BTBD7: variants seen among roughly 807,000 people sequenced by gnomAD.
BTBD7 encodes BTB/POZ domain-containing protein 7.
Under a neutral mutation model 99.9 loss-of-function variants are expected in BTBD7, and 38 were observed. That is an observed-to-expected ratio of 0.38 (90% CI 0.29 to 0.50). The LOEUF (loss-of-function observed/expected upper bound fraction) is 0.50, where lower values mean the gene tolerates loss of function less well. BTBD7 is among the 20% of genes least tolerant of loss of function. BTBD7 has a pLI of 0.93. For synonymous variants in BTBD7, 520 were observed against 511.4 expected, an observed-to-expected ratio of 1.02 and a Z score of -0.23; for missense variants, 1,170 against 1,394.6, an observed-to-expected ratio of 0.84 and a Z score of 2.57.
At chr14:93,243,310 C>A (rs2052261082) in intron 10 of BTBD7, among the ~76,000 whole-genome samples, 1 of 152,054 alleles carries the variant, frequency 6.6e-6, no homozygotes, top group Non-Finnish European at 1.5e-5. Context: ...TCTCCTGCCT[C>A]AGCCTCCTGA....
chr14:93,249,758 G>A (rs1447850864), intron 8 of BTBD7, among the ~76,000 whole-genome samples: 3 of 151,494 alleles, frequency 2.0e-5, no homozygotes, highest in South Asian at 4.2e-4. Flanking sequence ...TATGCCGGCC[G>A]ACAAGCTGGT....
rs1158411838 is a variant in BTBD7 at position 93,332,878 on chromosome 14, G to A, written c.-165C>T. 6.9e-6 allele frequency: 10 copies of A among 1,458,234 alleles called. No homozygotes were observed. The highest frequency in any genetic ancestry group is 4.8e-5 in the Admixed American group (2 of 41,790). 90.3% of individuals were successfully genotyped at this position (1,458,234 alleles called of 1,614,324 possible). A position where few individuals can be genotyped will look rare whatever the true frequency, so the allele number is the denominator to read the frequency against. ...TGGGACCGCTGCCGTCGCCTCCGCC[G>A]CCGCCGCCACCAGCACCGCCGTCCG... is the stretch of plus-strand genomic sequence containing the variant. On this transcript the variant is annotated 5_prime_UTR_variant, in exon 1 of 11. Transcript: ENST00000334746.
intron 3 of BTBD7, among the ~76,000 whole-genome samples, chr14:93,269,206 G>A (rs1049782864): frequency 6.6e-6 from 1 of 151,982 alleles, no homozygotes; most frequent in Admixed American, 6.6e-5. Flanking sequence ...CTGGAATGTT[G>A]GTAAAAAGAG....
intron 5 of BTBD7, among the ~76,000 whole-genome samples, chr14:93,260,276 A>C (rs2052473203): frequency 6.6e-6 from 1 of 152,236 alleles, no homozygotes; most frequent in South Asian, 2.1e-4. Context: ...TCTAAATAAA[A>C]CTATCGAAAG....
At chr14:93,318,082 T>C (rs1010513123) in intron 1 of BTBD7, among the ~76,000 whole-genome samples, 1 of 152,242 alleles carries the variant, frequency 6.6e-6, no homozygotes, top group African/African-American at 2.4e-5. Context: ...TGAGTCATAC[T>C]ATATGTTGAG....
chr14:93,250,462 A>G (rs1422262451), intron 8 of BTBD7, among the ~76,000 whole-genome samples: 1 of 152,242 alleles, frequency 6.6e-6, no homozygotes, highest in African/African-American at 2.4e-5. Flanking sequence ...CAAATTTGAT[A>G]AGGTAACAAC....
chr14:93,294,186 C>T lies in BTBD7; in HGVS notation c.834G>A (p.Lys278=). 1.9e-6 allele frequency: 3 copies of T among 1,614,136 alleles called. No homozygotes were observed. Among genetic ancestry groups the T allele is most frequent in the Admixed American group, 1.7e-5 (1 of 60,020 alleles). ...ATGGGGACCGTGCAGAAATAACAGC[C>T]TTGTGGGCTTTGAGCTCTTCATCTA... ...NCLDEELKAH[K]AVISARSPFF... is the part of the protein sequence containing the mutation. The change falls in exon 3 of 11, where the codon AAG becomes AAA. Residue 278 remains lysine (K), a synonymous_variant. Transcript: ENST00000334746.
intron 1 of BTBD7, 122 bp from the exon 2 acceptor site, chr14:93,296,279 A>G: frequency 3.1e-6 from 2 of 647,764 alleles, no homozygotes; most frequent in Non-Finnish European, 4.4e-6. Context: ...TCAAATTCAC[A>G]TGTCAAATTT....
At chr14:93,307,940 C>A (rs1264393040) in intron 1 of BTBD7, among the ~76,000 whole-genome samples, 1 of 152,134 alleles carries the variant, frequency 6.6e-6, no homozygotes, top group Non-Finnish European at 1.5e-5. Flanking sequence ...GATTTTGAGT[C>A]CAAAAACTAT....
intron 1 of BTBD7, among the ~76,000 whole-genome samples, chr14:93,301,530 T>C (rs8019334): frequency 0.38 from 58,152 of 151,346 alleles, 12,332 homozygotes; most frequent in African/African-American, 0.58. Context: ...CACACACACA[T>C]ATACATAAAA....
chr14:93,242,104 CCTT>C lies in BTBD7; in HGVS notation c.*166_*168del. 1.8e-6 allele frequency: 1 copy of C among 566,144 alleles called. No homozygotes were observed. Among genetic ancestry groups the C allele is most frequent in the East Asian group, 2.9e-5 (1 of 34,184 alleles). 35.1% of individuals were successfully genotyped at this position (566,144 alleles called of 1,614,324 possible). A position where few individuals can be genotyped will look rare whatever the true frequency, so the allele number is the denominator to read the frequency against. On this transcript the variant is annotated 3_prime_UTR_variant, in exon 11 of 11. Transcript: ENST00000334746. ...GCAACATTAAAAAAAAAAAACAAAACCTTCTTAGCATGCCATGTCTAATAAACA... is the reference window on the plus strand; with the variant it reads ...GCAACATTAAAAAAAAAAAACAAAACCTTAGCATGCCATGTCTAATAAACA...
chr14:93,297,456 G>C (rs570124277), intron 1 of BTBD7, among the ~76,000 whole-genome samples: 3 of 152,294 alleles, frequency 2.0e-5, no homozygotes, highest in South Asian at 4.1e-4. Flanking sequence ...CTGAGTAGCT[G>C]GGACTACAGG....
At chr14:93,271,689 C>T (rs984530859) in intron 3 of BTBD7, among the ~76,000 whole-genome samples, 1 of 152,168 alleles carries the variant, frequency 6.6e-6, no homozygotes, top group Non-Finnish European at 1.5e-5. Flanking sequence ...ATTCTTGACC[C>T]TCACTCAGCC....
chr14:93,250,891 T>G (rs1338873360), intron 8 of BTBD7, among the ~76,000 whole-genome samples: 9 of 152,166 alleles, frequency 5.9e-5, no homozygotes, highest in Non-Finnish European at 1.2e-4. Context: ...GACTCAAAGG[T>G]ATAATAGACT....
chr14:93,280,847 AC>A (rs2052710593), intron 3 of BTBD7, among the ~76,000 whole-genome samples: 1 of 141,178 alleles, frequency 7.1e-6, no homozygotes, highest in Admixed American at 7.2e-5. Context: ...ATAAAAAGGC[AC>A]CTTTTTTTTT....
Position 93,242,118 on chromosome 14 carries a change from C to T in BTBD7, c.*155G>A, listed in dbSNP as rs1219262110. The stretch of plus-strand genomic sequence containing the variant: ...AAAAAACAAAACCTTCTTAGCATGC[C>T]ATGTCTAATAAACACATATATACAC... On this transcript the variant is annotated 3_prime_UTR_variant, in exon 11 of 11. Transcript: ENST00000334746. 1.6e-6 allele frequency: 1 copy of T among 622,310 alleles called. No individual in the cohort carries two copies. Among genetic ancestry groups the T allele is most frequent in the East Asian group, 2.8e-5 (1 of 35,966 alleles). The allele number at this position is 622,310 out of a possible 1,614,324, so 38.5% of individuals were successfully genotyped here.
At chr14:93,313,689 C>CAT (rs1198587544) in intron 1 of BTBD7, among the ~76,000 whole-genome samples, 2 of 143,632 alleles carry the variant, frequency 1.4e-5, no homozygotes, top group Admixed American at 6.8e-5. Flanking sequence ...TACACACACA[C>CAT]ACACACACAC....
rs1272111354 is a variant in BTBD7, at chr14:93,243,071, C to T, written c.2601G>A (p.Leu867=). The change falls in exon 11 of 11, where the codon CTG becomes CTA. Residue 867 remains leucine (L), a synonymous_variant. Coordinates refer to ENST00000334746, the MANE Select transcript of BTBD7 (RefSeq NM_001002860.4). The stretch of plus-strand genomic sequence containing the variant: ...CCGCGATGTCTGGCATCAGATCATT[C>T]AGCACAGGTTGTGTTCGCTGCAGAC... The part of the protein sequence containing the change: ...SEKQVRTQPV[L]NDLMPDIAVG... 7.4e-6 allele frequency: 12 copies of T among 1,613,542 alleles called. No homozygotes were observed. The highest frequency in any genetic ancestry group is 1.3e-5 in the African/African-American group (1 of 74,870).
chr14:93,305,687 C>T (rs1257780718), intron 1 of BTBD7, among the ~76,000 whole-genome samples: 1 of 152,198 alleles, frequency 6.6e-6, no homozygotes, highest in Non-Finnish European at 1.5e-5. Flanking sequence ...AAGTCTGCAT[C>T]TTAAAACTCT....
Sources: gnomAD v4.1 joint callset for allele counts (sites outside exome capture counted in the v4.1 genomes callset) on GRCh38, gnomAD v4.1.1 for gene constraint, MANE v1.5 for transcripts, NCBI Gene and HGNC (gene_info 2026-07-23, HGNC 2026-07-21) for gene names.